The following TPTE2 variants were observed in gnomAD, a reference collection of about 807,000 sequenced individuals.
The protein encoded by TPTE2 is phosphatidylinositol 3,4,5-trisphosphate 3-phosphatase TPTE2.
In TPTE2, 53 loss-of-function variants were observed where a neutral mutation model predicts 78.6. That is an observed-to-expected ratio of 0.67 (90% confidence interval 0.54 to 0.85). TPTE2 has a LOEUF of 0.85. Ranked by LOEUF, TPTE2 falls within the 40% of genes least tolerant of loss-of-function variation. TPTE2 has a pLI of 0.00. For synonymous variants in TPTE2, 175 were observed against 206.2 expected (o/e 0.85, Z 1.30); for missense variants, 461 against 623.0 (o/e 0.74, Z 2.77).
the TPTE2 span, among the ~76,000 whole-genome samples, chr13:19,553,665 A>G: frequency 6.6e-6 from 1 of 152,248 alleles, no homozygotes; most frequent in Non-Finnish European, 1.5e-5. Context: ...ATCTCAAATC[A>G]TTATGCTGAG....
At chr13:19,487,588 G>T (rs1033507023) in intron 3 of TPTE2, among the ~76,000 whole-genome samples, 2 of 152,076 alleles carry the variant, frequency 1.3e-5, no homozygotes, top group Non-Finnish European at 2.9e-5. Flanking sequence ...GAAGTGTGGT[G>T]GTGGGGGTTG....
intron 6 of TPTE2, among the ~76,000 whole-genome samples, chr13:19,472,805 A>T (rs1203392631): frequency 6.6e-6 from 1 of 152,104 alleles, no homozygotes; most frequent in Non-Finnish European, 1.5e-5. Context: ...CACTGTATTT[A>T]TTGTAGTTTT....
chr13:19,493,681 G>A (rs1248270447), intron 1 of TPTE2, 180 bp from the exon 5 acceptor site: 8 of 674,108 alleles, frequency 1.2e-5, no homozygotes, highest in East Asian at 2.8e-5. Flanking sequence ...TGTATATGAC[G>A]ACAACCAAAA....
intron 17 of TPTE2, among the ~76,000 whole-genome samples, chr13:19,428,889 C>T (rs2497067): frequency 1 from 151,728 of 152,330 alleles, 75,567 homozygotes; most frequent in Middle Eastern, 1. Context: ...AGGGCTATTA[C>T]ATCTTCAGAG....
intron 6 of TPTE2, among the ~76,000 whole-genome samples, chr13:19,472,758 TATTTATTGTAGTTTTCACTGC>T (rs1272208696): frequency 5.3e-5 from 8 of 152,158 alleles, no homozygotes; most frequent in Non-Finnish European, 1.2e-4. Context: ...AAGAGTTAGG[TATTTATTGTAGTTTTCACTGC>T]ATTTATTGTA....
chr13:19,468,515 C>T (rs1253830704), intron 6 of TPTE2, among the ~76,000 whole-genome samples: 4 of 152,134 alleles, frequency 2.6e-5, no homozygotes, highest in Non-Finnish European at 4.4e-5. Flanking sequence ...GATTTCCTTT[C>T]TTGTGGGTAT....
chr13:19,464,483 C>A, exon 10 of TPTE2: 1 of 1,612,930 alleles, frequency 6.2e-7, no homozygotes, highest in Non-Finnish European at 8.5e-7. Context: ...AGAAAGACTG[C>A]CTTCCAGAAG....
At chr13:19,547,355 A>T in the TPTE2 span, among the ~76,000 whole-genome samples, 1 of 152,222 alleles carries the variant, frequency 6.6e-6, no homozygotes, top group Admixed American at 6.5e-5. Flanking sequence ...ATCAGTTTTT[A>T]TCCAGAACAT....
upstream of TPTE2, among the ~76,000 whole-genome samples, chr13:19,540,336 C>G (rs1871405553): frequency 1.3e-5 from 2 of 150,426 alleles, no homozygotes; most frequent in African/African-American, 2.4e-5. Flanking sequence ...AAGTCTAGCT[C>G]TGTCACCCAG....
chr13:19,449,819 G>A (rs974082097), intron 13 of TPTE2, among the ~76,000 whole-genome samples: 1 of 151,988 alleles, frequency 6.6e-6, no homozygotes, highest in African/African-American at 2.4e-5. Context: ...CCAAATACTA[G>A]GAAAACAAGG....
exon 20 of TPTE2, chr13:19,423,018 G>C: frequency 6.2e-7 from 1 of 1,602,488 alleles, no homozygotes; most frequent in South Asian, 1.1e-5. Flanking sequence ...GAAGGGGAAG[G>C]GGGAGCTATA....
chr13:19,511,580 G>T (rs1037447460), intron 1 of TPTE2, among the ~76,000 whole-genome samples: 2 of 152,156 alleles, frequency 1.3e-5, no homozygotes, highest in Admixed American at 6.5e-5. Context: ...AAGGGCATCA[G>T]GTTCTTTGGG....
intron 19 of TPTE2, 37 bp from the exon 23 acceptor site, chr13:19,423,201 G>T: frequency 1.9e-6 from 3 of 1,539,974 alleles, no homozygotes; most frequent in Non-Finnish European, 2.6e-6. Flanking sequence ...TTTATATTGG[G>T]GCTCACCAAA....
chr13:19,547,720 C>CATACATATATATATAT, the TPTE2 span, among the ~76,000 whole-genome samples: 4,549 of 118,748 alleles, frequency 0.038, 178 homozygotes, highest in East Asian at 0.11. Context: ...AATAAATATA[C>CATACATATATATATAT]ATATATATAT....
At chr13:19,531,093 T>G (rs1870840366) in intron 1 of TPTE2, among the ~76,000 whole-genome samples, 1 of 152,216 alleles carries the variant, frequency 6.6e-6, no homozygotes, top group African/African-American at 2.4e-5. Context: ...AGTGGATTCA[T>G]ATAATATTTG....
At chr13:19,547,992 C>T in the TPTE2 span, among the ~76,000 whole-genome samples, 1 of 151,618 alleles carries the variant, frequency 6.6e-6, no homozygotes, top group East Asian at 1.9e-4. Flanking sequence ...CAAAGAAGCA[C>T]AATACAGTAA....
At chr13:19,469,279 C>T (rs1204011138) in intron 6 of TPTE2, among the ~76,000 whole-genome samples, 1 of 152,102 alleles carries the variant, frequency 6.6e-6, no homozygotes, top group African/African-American at 2.4e-5. Context: ...GTTGAAGAGA[C>T]GTCTTTTGTT....
intron 1 of TPTE2, among the ~76,000 whole-genome samples, chr13:19,514,909 G>C (rs1240724820): frequency 1.3e-5 from 2 of 151,792 alleles, no homozygotes; most frequent in Non-Finnish European, 2.9e-5. Flanking sequence ...GAAACCCCTG[G>C]CTTGGCTAAT....
chr13:19,538,235 T>C (rs2137763153), upstream of TPTE2, among the ~76,000 whole-genome samples: 1 of 152,312 alleles, frequency 6.6e-6, no homozygotes, highest in Non-Finnish European at 1.5e-5. Context: ...TTTTTTTTCT[T>C]TTTGAGACGG....
Sources: allele counts gnomAD v4.1 joint callset (sites outside exome capture counted in the v4.1 genomes callset), GRCh38; gene constraint gnomAD v4.1.1; transcripts MANE v1.5; gene names NCBI Gene and HGNC (gene_info 2026-07-23, HGNC 2026-07-21).